The following PTPRE variants were observed in gnomAD, a reference collection of about 807,000 sequenced individuals.
PTPRE encodes receptor-type tyrosine-protein phosphatase epsilon.
A neutral mutation model predicts 102.0 loss-of-function variants in PTPRE; 51 were observed. That is an observed-to-expected ratio of 0.50 (90% CI 0.40 to 0.63). The LOEUF is 0.63. Among genes scored for constraint, PTPRE ranks in the 30% least tolerant of loss-of-function variants. The pLI, the probability that PTPRE is intolerant of heterozygous loss-of-function variation, is 0.00. For synonymous variants in PTPRE, 345 were observed against 348.2 expected, an observed-to-expected ratio of 0.99 and a Z score of 0.10; for missense variants, 752 against 915.1, an observed-to-expected ratio of 0.82 and a Z score of 2.30.
intron 1 of PTPRE, among the ~76,000 whole-genome samples, chr10:127,955,908 A>G (rs753521387): frequency 6.6e-5 from 10 of 152,182 alleles, no homozygotes; most frequent in Non-Finnish European, 1.3e-4. Context: ...CTTTTAAACC[A>G]TCAGATCTCG....
intron 2 of PTPRE, among the ~76,000 whole-genome samples, chr10:127,997,613 C>T (rs746650995): frequency 7.2e-5 from 11 of 152,036 alleles, no homozygotes; most frequent in Non-Finnish European, 1.5e-4. Flanking sequence ...GTATTTGTGG[C>T]TATGTGTACT....
At chr10:128,040,389 G>A (rs1039986344) in intron 2 of PTPRE, among the ~76,000 whole-genome samples, 6 of 152,164 alleles carry the variant, frequency 3.9e-5, no homozygotes, top group African/African-American at 1.2e-4. Context: ...AGAGTGAAGG[G>A]GGATGAAGAA....
At chr10:127,975,747 C>T (rs1295898521) in intron 1 of PTPRE, among the ~76,000 whole-genome samples, 1 of 152,194 alleles carries the variant, frequency 6.6e-6, no homozygotes, top group African/African-American at 2.4e-5. Flanking sequence ...GCGTCAGGCA[C>T]CCAGCAAGCT....
intron 1 of PTPRE, among the ~76,000 whole-genome samples, chr10:127,918,528 C>T (rs1350591120): frequency 4.0e-5 from 6 of 149,108 alleles, no homozygotes; most frequent in Non-Finnish European, 7.4e-5. Flanking sequence ...CACTGCACTC[C>T]AGCCTGGGCG....
chr10:128,019,280 G>A (rs1845673252), intron 2 of PTPRE, among the ~76,000 whole-genome samples: 1 of 152,228 alleles, frequency 6.6e-6, no homozygotes, highest in African/African-American at 2.4e-5. Context: ...CTGGGGGAGT[G>A]AAGATGGCAG....
chr10:128,063,891 T>A (rs1292012289), intron 10 of PTPRE, among the ~76,000 whole-genome samples: 1 of 151,992 alleles, frequency 6.6e-6, no homozygotes, highest in African/African-American at 2.4e-5. Context: ...GTGAGCTCAC[T>A]CTCCAGAATG....
intron 1 of PTPRE, among the ~76,000 whole-genome samples, chr10:127,952,292 G>A (rs1011416838): frequency 1.4e-4 from 21 of 152,038 alleles, no homozygotes; most frequent in Non-Finnish European, 2.2e-4. Context: ...GATGTAATAT[G>A]CCCCTGCTTA....
At chr10:128,020,090 G>A (rs139069059) in intron 2 of PTPRE, among the ~76,000 whole-genome samples, 4 of 151,850 alleles carry the variant, frequency 2.6e-5, no homozygotes, top group Middle Eastern at 3.4e-3. Context: ...GCACATGCAC[G>A]CTGGACACAG....
intron 2 of PTPRE, among the ~76,000 whole-genome samples, 174 bp downstream of exon 2, chr10:127,982,470 C>T (rs931236046): frequency 6.7e-6 from 1 of 149,028 alleles, no homozygotes; most frequent in African/African-American, 2.5e-5. Flanking sequence ...CATATCACAC[C>T]TTTTTGTTAC....
chr10:127,999,391 G>A (rs1853636243), intron 2 of PTPRE: 1 of 257,762 alleles, frequency 3.9e-6, no homozygotes, highest in African/African-American at 2.3e-5. Flanking sequence ...TTTTATTTTA[G>A]AACTAAATGT....
chr10:128,025,438 G>A (rs1467626265), intron 2 of PTPRE, among the ~76,000 whole-genome samples: 1 of 152,126 alleles, frequency 6.6e-6, no homozygotes, highest in African/African-American at 2.4e-5. Context: ...AGGTCAGGAC[G>A]TGGTCATTTG....
chr10:127,948,920 C>T (rs984898577), intron 1 of PTPRE, among the ~76,000 whole-genome samples: 2 of 152,212 alleles, frequency 1.3e-5, no homozygotes, highest in African/African-American at 4.8e-5. Flanking sequence ...GGGCAACATC[C>T]GATCTGCTGG....
intron 2 of PTPRE, among the ~76,000 whole-genome samples, chr10:128,021,177 G>A (rs1016895977): frequency 1.3e-5 from 2 of 152,114 alleles, no homozygotes; most frequent in Non-Finnish European, 2.9e-5. Flanking sequence ...CTACAGACGC[G>A]AGCCACCGCG....
In PTPRE at chr10:128,042,009, C is replaced by G. The variant is rs139565202; in HGVS notation, c.109+1019C>G. On this transcript the variant is annotated intron_variant, in intron 3 of 20. Transcript: ENST00000254667. Reference sequence around the variant, plus strand: ...AGAGCAGTTCTGAGCGCCCACCTGTCTTTTTCCTCTTCATGTTGAAACCTC... The same window carrying G: ...AGAGCAGTTCTGAGCGCCCACCTGTGTTTTTCCTCTTCATGTTGAAACCTC... 5.6e-3 allele frequency among the ~76,000 whole-genome samples: 850 copies of G among 152,314 alleles called. 4 individuals are homozygous for G. The highest frequency in any genetic ancestry group is 0.01 in the Middle Eastern group (3 of 294).
intron 2 of PTPRE, among the ~76,000 whole-genome samples, chr10:128,030,707 G>A (rs11016019): frequency 0.19 from 29,290 of 152,106 alleles, 3,021 homozygotes; most frequent in East Asian, 0.36. Context: ...GGTCTTCCTG[G>A]ACATCTCTGA....
At chr10:127,910,930 A>G (rs1845827857) in intron 1 of PTPRE, among the ~76,000 whole-genome samples, 1 of 152,142 alleles carries the variant, frequency 6.6e-6, no homozygotes, top group Non-Finnish European at 1.5e-5. Context: ...AAACACAAAA[A>G]AATTAGATGG....
rs576204189 is a variant in PTPRE, at chr10:127,996,619, T to C, written c.-8+14323T>C. ...CATCCAGCTAGTATGCCTCCCGGCA[T>C]TCGGCTTCAGCCTCCAGCCTTGTTT... is the stretch of plus-strand genomic sequence containing the variant. On this transcript the variant is annotated intron_variant, in intron 2 of 20. Transcript: ENST00000254667. 6.6e-5 allele frequency among the ~76,000 whole-genome samples: 10 copies of C among 152,332 alleles called. No homozygotes were observed. In the South Asian group the frequency reaches 2.1e-3, roughly 32 times the overall value.
At chr10:127,996,182 G>C (rs1192910771) in intron 2 of PTPRE, among the ~76,000 whole-genome samples, 1 of 152,196 alleles carries the variant, frequency 6.6e-6, no homozygotes, top group Admixed American at 6.5e-5. Flanking sequence ...TCTCTAAGAA[G>C]GACATGCAAT....
intron 2 of PTPRE, among the ~76,000 whole-genome samples, chr10:128,022,843 G>A (rs1200692826): frequency 7.2e-5 from 11 of 152,222 alleles, no homozygotes; most frequent in African/African-American, 2.4e-4. Context: ...GATGACGGTC[G>A]ATTGGAAAGA....
Sources: allele counts gnomAD v4.1 joint callset (sites outside exome capture counted in the v4.1 genomes callset), GRCh38; gene constraint gnomAD v4.1.1; transcripts MANE v1.5; gene names NCBI Gene and HGNC (gene_info 2026-07-23, HGNC 2026-07-21).